Variants in ZDHHC21 observed in about 807,000 individuals in gnomAD.
The protein encoded by ZDHHC21 is zDHHC palmitoyltransferase 21, also known as palmitoyltransferase ZDHHC21.
In ZDHHC21, 15 loss-of-function variants were observed where a neutral mutation model predicts 34.6. The observed-to-expected ratio is 0.43, with a 90% CI of 0.29 to 0.67. The LOEUF (loss-of-function observed/expected upper bound fraction) is 0.67, where lower values mean the gene tolerates loss of function less well. ZDHHC21 is among the 30% of genes least tolerant of loss of function. The pLI, the probability that ZDHHC21 is intolerant of heterozygous loss-of-function variation, is 0.14. For synonymous variants in ZDHHC21, 142 were observed against 101.8 expected (o/e 1.40, Z -2.38); for missense variants, 344 against 327.7 (o/e 1.05, Z -0.38).
intron 8 of ZDHHC21, 108 bp downstream of exon 8, chr9:14,639,788 T>C (rs1829001160): frequency 3.5e-6 from 2 of 576,528 alleles, no homozygotes; most frequent in Non-Finnish European, 5.7e-6. Context: ...TTAAAAAGCA[T>C]GGGTAATTTT....
intron 2 of ZDHHC21, among the ~76,000 whole-genome samples, chr9:14,680,446 T>G (rs1004682944): frequency 2.0e-5 from 3 of 152,150 alleles, no homozygotes; most frequent in African/African-American, 7.2e-5. Flanking sequence ...TGTCCAGTAT[T>G]TGGACTTCAT....
intron 8 of ZDHHC21, 68 bp downstream of exon 8, chr9:14,639,826 CTT>C (rs1829009140): frequency 1.1e-6 from 1 of 912,370 alleles, no homozygotes; most frequent in Non-Finnish European, 1.6e-6. Flanking sequence ...CTTCCTATAA[CTT>C]TTGAGAATTA....
intron 5 of ZDHHC21, among the ~76,000 whole-genome samples, chr9:14,664,467 G>A (rs376861551): frequency 6.7e-4 from 102 of 151,414 alleles, no homozygotes; most frequent in East Asian, 3.3e-3. Flanking sequence ...TGCTTAGGTA[G>A]ACAAAGCAGC....
At chr9:14,674,060 G>A (rs565683071) in intron 4 of ZDHHC21, 127 bp downstream of exon 4, 7 of 514,954 alleles carry the variant, frequency 1.4e-5, no homozygotes, top group East Asian at 1.1e-4. Context: ...GTAAATAACT[G>A]AATATTGACA....
chr9:14,619,707 C>T, intron 8 of ZDHHC21, 25 bp from the exon 9 acceptor site: 2 of 1,245,860 alleles, frequency 1.6e-6, no homozygotes, highest in East Asian at 2.7e-5. Flanking sequence ...AAATTATATT[C>T]AGATGTAAGA....
rs1375183040 is a variant in ZDHHC21, at chr9:14,614,218, C to G, written c.*4748G>C. The G allele has an allele frequency of 6.6e-6, 1 of 151,624 alleles. No homozygotes were observed. The highest frequency in any genetic ancestry group is 1.5e-5 in the Non-Finnish European group (1 of 67,728). 9.4% of individuals were successfully genotyped at this position (151,624 alleles called of 1,614,324 possible). A position where few individuals can be genotyped will look rare whatever the true frequency, so the allele number is the denominator to read the frequency against. The stretch of plus-strand genomic sequence containing the variant: ...GTGGATACTCACTACTCATTTGTAC[C>G]TATTCTCTAGGGTGGACAAGGCAAA... On this transcript the variant is annotated 3_prime_UTR_variant, in exon 10 of 10. Coordinates refer to ENST00000380916, the MANE Select transcript of ZDHHC21 (RefSeq NM_178566.6).
At chr9:14,595,170 A>C in the ZDHHC21 span, among the ~76,000 whole-genome samples, 2 of 152,174 alleles carry the variant, frequency 1.3e-5, no homozygotes, top group African/African-American at 4.8e-5. Context: ...TTAGGTATCT[A>C]CCCCAGATAA....
chr9:14,603,427 A>G, the ZDHHC21 span, among the ~76,000 whole-genome samples: 3 of 152,178 alleles, frequency 2.0e-5, no homozygotes, highest in Admixed American at 1.3e-4. Context: ...AATGCATGCT[A>G]TACTTCAAGG....
chr9:14,627,376 G>A (rs1225654692), intron 8 of ZDHHC21, among the ~76,000 whole-genome samples: 3 of 152,056 alleles, frequency 2.0e-5, no homozygotes, highest in African/African-American at 4.8e-5. Context: ...CAGTATTTAG[G>A]GGGGAAAACA....
chr9:14,638,678 A>G (rs1023324246), intron 8 of ZDHHC21, among the ~76,000 whole-genome samples: 13 of 152,026 alleles, frequency 8.6e-5, no homozygotes, highest in African/African-American at 2.9e-4. Context: ...ACAATTAAAA[A>G]AAAAAGGTAC....
the ZDHHC21 span, among the ~76,000 whole-genome samples, chr9:14,596,489 C>G: frequency 2.0e-5 from 3 of 152,128 alleles, no homozygotes; most frequent in South Asian, 6.2e-4. Flanking sequence ...TGTTGTTGGC[C>G]ACCTCTCCAA....
intron 7 of ZDHHC21, among the ~76,000 whole-genome samples, chr9:14,652,472 A>C (rs1831400359): frequency 6.6e-6 from 1 of 152,044 alleles, no homozygotes; most frequent in African/African-American, 2.4e-5. Flanking sequence ...AAAACATATA[A>C]ATCTTTGAAC....
At chr9:14,628,423 G>A (rs1290152031) in intron 8 of ZDHHC21, among the ~76,000 whole-genome samples, 1 of 152,106 alleles carries the variant, frequency 6.6e-6, no homozygotes, top group Non-Finnish European at 1.5e-5. Context: ...CTGCTTCCCT[G>A]AAACCTCAAG....
the ZDHHC21 span, among the ~76,000 whole-genome samples, chr9:14,598,368 C>T: frequency 1.3e-5 from 2 of 152,100 alleles, no homozygotes; most frequent in East Asian, 1.9e-4. Context: ...AGAAATAATA[C>T]GACGACTATA....
intron 7 of ZDHHC21, among the ~76,000 whole-genome samples, chr9:14,645,122 G>A (rs1830068978): frequency 6.6e-6 from 1 of 151,916 alleles, no homozygotes; most frequent in African/African-American, 2.4e-5. Flanking sequence ...ACTTCACAGG[G>A]GTGGTGAGAG....
intron 2 of ZDHHC21, among the ~76,000 whole-genome samples, chr9:14,680,987 A>G (rs563162171): frequency 2.0e-5 from 3 of 152,340 alleles, no homozygotes; most frequent in African/African-American, 7.2e-5. Flanking sequence ...TCTTCAGACC[A>G]AGACAACAGA....
the ZDHHC21 span, among the ~76,000 whole-genome samples, chr9:14,596,189 T>C: frequency 2.6e-5 from 4 of 152,228 alleles, no homozygotes; most frequent in Non-Finnish European, 5.9e-5. Flanking sequence ...AATGAATCGA[T>C]AACAAATTGA....
intron 7 of ZDHHC21, among the ~76,000 whole-genome samples, chr9:14,654,364 T>A (rs1036533199): frequency 1.3e-5 from 2 of 149,912 alleles, no homozygotes; most frequent in African/African-American, 4.9e-5. Flanking sequence ...AAACCCCTGA[T>A]TGGATAAAAA....
downstream of ZDHHC21, among the ~76,000 whole-genome samples, chr9:14,607,116 C>T (rs952315548): frequency 1.3e-5 from 2 of 150,616 alleles, no homozygotes; most frequent in African/African-American, 4.9e-5. Flanking sequence ...ATGATGCCCA[C>T]TACAGAGGAA....
Sources: allele counts gnomAD v4.1 joint callset (sites outside exome capture counted in the v4.1 genomes callset), GRCh38; gene constraint gnomAD v4.1.1; transcripts MANE v1.5; gene names NCBI Gene and HGNC (gene_info 2026-07-23, HGNC 2026-07-21).